The following MITF variants were observed in gnomAD, a reference collection of about 807,000 sequenced individuals.
MITF encodes the protein melanocyte inducing transcription factor, also known as microphthalmia-associated transcription factor.
In MITF, 17 loss-of-function variants were observed where a neutral mutation model predicts 60.5. The observed-to-expected ratio is 0.28, with a 90% CI of 0.19 to 0.42. MITF has a LOEUF of 0.42. MITF is among the 10% of genes least tolerant of loss of function. The pLI is 1.00. For missense variants in MITF, 622 were observed against 683.5 expected (o/e 0.91, Z 1.00); for synonymous variants, 260 against 248.5 (o/e 1.05, Z -0.43).
chr3:69,960,414 G>C (rs981291551), intron 9 of MITF, among the ~76,000 whole-genome samples: 2 of 152,122 alleles, frequency 1.3e-5, no homozygotes, highest in African/African-American at 4.8e-5. Flanking sequence ...GCCGGAGATG[G>C]GGAATTCCTC....
rs142582454 is a variant in MITF at position 69,849,605 on chromosome 3, G to A, written c.105-29529G>A. Among the ~76,000 whole-genome samples the A allele has an allele frequency of 2.2e-3, 330 of 152,274 alleles. 1 individual carries two copies. Among genetic ancestry groups the A allele is most frequent in the African/African-American group, 7.8e-3 (325 of 41,566 alleles). ...TAGAAGGCTTGAGTAATTTCCCCCT[G>A]GGTGAATAGCTAATGAGAAATGGGA... On this transcript the variant is annotated intron_variant, in intron 1 of 9. Transcript: ENST00000352241.
chr3:69,904,487 C>T (rs2065056873), intron 2 of MITF, among the ~76,000 whole-genome samples: 1 of 152,148 alleles, frequency 6.6e-6, no homozygotes, highest in African/African-American at 2.4e-5. Context: ...CCAAATCCTG[C>T]CCACCCAATA....
At chr3:69,904,545 C>T (rs1047932409) in intron 2 of MITF, among the ~76,000 whole-genome samples, 5 of 152,192 alleles carry the variant, frequency 3.3e-5, no homozygotes, top group African/African-American at 1.2e-4. Context: ...CAAGGTTTTC[C>T]CTCCTGGTCC....
chr3:69,791,555 G>T (rs759541806), intron 1 of MITF, among the ~76,000 whole-genome samples: 5 of 152,142 alleles, frequency 3.3e-5, no homozygotes, highest in Non-Finnish European at 7.3e-5. Context: ...GACCCAAGAG[G>T]CTCAAGACCT....
intron 2 of MITF, among the ~76,000 whole-genome samples, chr3:69,919,557 C>G (rs1400289439): frequency 6.6e-6 from 1 of 152,072 alleles, no homozygotes; most frequent in Non-Finnish European, 1.5e-5. Context: ...TATCTAAAAA[C>G]TATACTTTTT....
At chr3:69,911,637 G>C (rs1027628200) in intron 2 of MITF, among the ~76,000 whole-genome samples, 17 of 152,208 alleles carry the variant, frequency 1.1e-4, no homozygotes, top group Admixed American at 3.3e-4. Flanking sequence ...CAATGGGGTG[G>C]GAAAGAAGGC....
intron 1 of MITF, among the ~76,000 whole-genome samples, chr3:69,770,196 A>G (rs1044562205): frequency 3.3e-5 from 5 of 152,188 alleles, no homozygotes; most frequent in African/African-American, 1.2e-4. Context: ...TGTGTAAGCC[A>G]TGGGACCATC....
chr3:69,847,559 G>A (rs2063753333), intron 1 of MITF, among the ~76,000 whole-genome samples: 2 of 152,206 alleles, frequency 1.3e-5, no homozygotes, highest in Non-Finnish European at 2.9e-5. Flanking sequence ...CTCCAAGAGT[G>A]TGTTACGTAC....
chr3:69,852,385 G>A (rs957043519), intron 1 of MITF, among the ~76,000 whole-genome samples: 5 of 152,136 alleles, frequency 3.3e-5, no homozygotes, highest in African/African-American at 1.2e-4. Context: ...GATTAATCAT[G>A]TCTGGGTTTT....
chr3:69,963,424 C>G (rs950886459), intron 9 of MITF, among the ~76,000 whole-genome samples: 1 of 152,046 alleles, frequency 6.6e-6, no homozygotes, highest in Non-Finnish European at 1.5e-5. Context: ...TTTTACCATC[C>G]CCCTAGACCA....
At chr3:69,869,378 C>T (rs1023470040) in intron 1 of MITF, among the ~76,000 whole-genome samples, 4 of 152,114 alleles carry the variant, frequency 2.6e-5, no homozygotes, top group African/African-American at 9.7e-5. Context: ...AGCCAGATTA[C>T]AGGAGACATG....
chr3:69,821,858 T>C (rs1162410508), intron 1 of MITF, among the ~76,000 whole-genome samples: 1 of 152,142 alleles, frequency 6.6e-6, no homozygotes, highest in Non-Finnish European at 1.5e-5. Context: ...TTCTTGTGCC[T>C]CAGCCTCCCG....
At chr3:69,951,717 G>A in intron 6 of MITF, 95 bp from the exon 7 acceptor site, 2 of 910,250 alleles carry the variant, frequency 2.2e-6, no homozygotes, top group Non-Finnish European at 1.8e-6. Flanking sequence ...AGTCAAATAA[G>A]CTTCTGTATG....
intron 2 of MITF, among the ~76,000 whole-genome samples, chr3:69,934,599 G>A (rs2065791462): frequency 6.6e-6 from 1 of 152,170 alleles, no homozygotes; most frequent in African/African-American, 2.4e-5. Flanking sequence ...GCCTGGAGAA[G>A]TTAATGAATT....
At chr3:69,813,332 C>A (rs938427536) in intron 1 of MITF, among the ~76,000 whole-genome samples, 1 of 152,186 alleles carries the variant, frequency 6.6e-6, no homozygotes, top group Non-Finnish European at 1.5e-5. Context: ...TGCATTTACA[C>A]CAAGTGGAAT....
intron 8 of MITF, among the ~76,000 whole-genome samples, chr3:69,957,178 C>T (rs1172716362): frequency 1.3e-5 from 2 of 152,150 alleles, no homozygotes; most frequent in Non-Finnish European, 2.9e-5. Flanking sequence ...TTCCTACCAG[C>T]CTATAGTTAC....
rs1433489363 is a variant in MITF, at chr3:69,965,315, C to A, written c.*67C>A. 3.2e-6 allele frequency: 5 copies of A among 1,546,648 alleles called. No individual in the cohort carries two copies. Among genetic ancestry groups the A allele is most frequent in the Non-Finnish European group, 4.4e-6 (5 of 1,127,428 alleles). ...CTTGATTCGTAGATTTAATAACTTA[C>A]CTGAAGGGGTTTTCTTGATAATTTT... On this transcript the variant is annotated 3_prime_UTR_variant, in exon 10 of 10. Coordinates refer to ENST00000352241, the MANE Select transcript of MITF (RefSeq NM_001354604.2).
intron 7 of MITF, among the ~76,000 whole-genome samples, chr3:69,953,625 G>GTATGTATATGTATATATATATA (rs1318060137): frequency 8.2e-6 from 1 of 122,126 alleles, no homozygotes; most frequent in Non-Finnish European, 1.6e-5. Context: ...ATATATATAT[G>GTATGTATATGTATATATATATA]TGTGTATATA....
intron 1 of MITF, among the ~76,000 whole-genome samples, chr3:69,762,551 G>A (rs1235010405): frequency 3.3e-5 from 5 of 152,198 alleles, no homozygotes; most frequent in Non-Finnish European, 7.3e-5. Context: ...GCCTTGTAAT[G>A]ATCTCTTTTT....
Sources: allele counts gnomAD v4.1 joint callset (sites outside exome capture counted in the v4.1 genomes callset), GRCh38; gene constraint gnomAD v4.1.1; transcripts MANE v1.5; gene names NCBI Gene and HGNC (gene_info 2026-07-23, HGNC 2026-07-21).